The following ATP11C variants were observed in gnomAD, a reference collection of about 807,000 sequenced individuals.
The protein encoded by ATP11C is phospholipid-transporting ATPase IG.
Under a neutral mutation model 97.4 loss-of-function variants are expected in ATP11C, and 36 were observed. The ratio of observed to expected loss-of-function variants is 0.37; its 90% CI spans 0.28 to 0.49. ATP11C has a LOEUF of 0.49. ATP11C is among the 20% of genes least tolerant of loss of function. The probability of loss-of-function intolerance (pLI) is 0.98; values close to 1 mark genes in which losing one functional copy is unlikely to be tolerated. For synonymous variants in ATP11C, 275 were observed against 290.9 expected (o/e 0.95, Z 0.56); for missense variants, 730 against 824.6 (o/e 0.89, Z 1.40).
At chrX:139,746,762 A>G (rs754419722) in intron 24 of ATP11C, among the ~76,000 whole-genome samples, 2 of 111,536 alleles carry the variant, frequency 1.8e-5, no homozygotes, top group Non-Finnish European at 3.8e-5. Context: ...AAGGCTACCA[A>G]TTCTAATGGA....
chrX:139,908,208 G>C (rs892614402), intron 1 of ATP11C, among the ~76,000 whole-genome samples: 4 of 111,029 alleles, frequency 3.6e-5, no homozygotes, highest in African/African-American at 6.6e-5. Flanking sequence ...CAATGTGCCT[G>C]ACTCTTGCCC....
At position 139,727,569 on chromosome X, in the gene ATP11C, T is replaced by C. The variant is rs773234724; in HGVS notation, c.*1397A>G. The C allele has an allele frequency of 3.0e-4, 33 of 111,017 alleles. No individual in the cohort carries two copies. Among genetic ancestry groups the C allele is most frequent in the African/African-American group, 1.0e-3 (32 of 30,565 alleles). 9.1% of individuals were successfully genotyped at this position (111,017 alleles called of 1,213,427 possible). Reference sequence around the variant, plus strand: ...ATGTGGAAGAATCAAATGTGCCATATGGACTATATAAATATAATACAGATT... The same window carrying C: ...ATGTGGAAGAATCAAATGTGCCATACGGACTATATAAATATAATACAGATT... On this transcript the variant is annotated 3_prime_UTR_variant, in exon 30 of 30. Coordinates refer to ENST00000682941, the MANE Select transcript of ATP11C (RefSeq NM_001353812.2).
At chrX:139,756,634 T>C (rs1281102764) in intron 23 of ATP11C, among the ~76,000 whole-genome samples, 9 of 111,741 alleles carry the variant, frequency 8.1e-5, no homozygotes, top group Non-Finnish European at 5.6e-5. Flanking sequence ...TTAAATACTA[T>C]GCAACCATAA....
intron 1 of ATP11C, among the ~76,000 whole-genome samples, chrX:139,896,961 C>G (rs2148090390): frequency 9.0e-6 from 1 of 111,222 alleles, no homozygotes; most frequent in South Asian, 3.8e-4. Context: ...GGTGTGGTGG[C>G]TCACGCCTGA....
chrX:139,862,029 G>A (rs1189696924), intron 1 of ATP11C, among the ~76,000 whole-genome samples: 1 of 111,682 alleles, frequency 9.0e-6, no homozygotes, highest in East Asian at 2.8e-4. Context: ...AGAAAAGTCT[G>A]AACAGACAAG....
intron 1 of ATP11C, among the ~76,000 whole-genome samples, chrX:139,861,994 G>A (rs1029127467): frequency 8.9e-6 from 1 of 111,788 alleles, no homozygotes; most frequent in Non-Finnish European, 1.9e-5. Context: ...TACCCTAAGG[G>A]AAGGAATGCT....
intron 27 of ATP11C, among the ~76,000 whole-genome samples, chrX:139,739,228 G>A (rs2081505609): frequency 9.0e-6 from 1 of 110,577 alleles, no homozygotes; most frequent in Admixed American, 9.6e-5. Flanking sequence ...ATGACAAATG[G>A]CAGCTAGTCA....
intron 2 of ATP11C, among the ~76,000 whole-genome samples, chrX:139,824,512 C>T (rs2083483146): frequency 9.0e-6 from 1 of 111,407 alleles, no homozygotes; most frequent in Non-Finnish European, 1.9e-5. Context: ...CCAGTGAAAC[C>T]CCATCTCTAC....
intron 24 of ATP11C, among the ~76,000 whole-genome samples, chrX:139,746,107 A>T (rs767930657): frequency 5.4e-5 from 6 of 111,693 alleles, no homozygotes; most frequent in Non-Finnish European, 9.4e-5. Flanking sequence ...CAATAACATC[A>T]ATAATAATTC....
In ATP11C at chrX:139,886,450, G is replaced by A. The variant is rs775996848; in HGVS notation, c.27+45566C>T. On this transcript the variant is annotated intron_variant, in intron 1 of 29. Transcript: ENST00000682941. ...CTAAAAATACAAAAATTCGCTGGGC[G>A]TGGTGGAGCACACCTGTAGTCCCAG... 4.6e-5 allele frequency among the ~76,000 whole-genome samples: 5 copies of A among 109,867 alleles called. 1 individual carries two copies. The South Asian group carries it at 1.6e-3, about 35-fold the overall frequency.
At chrX:139,813,005 T>G (rs1330958501) in intron 5 of ATP11C, among the ~76,000 whole-genome samples, 2 of 112,013 alleles carry the variant, frequency 1.8e-5, no homozygotes, top group African/African-American at 6.5e-5. Flanking sequence ...CACTCTGTAG[T>G]CTTCCTCCCA....
At chrX:139,906,505 C>T (rs1393413717) in intron 1 of ATP11C, among the ~76,000 whole-genome samples, 2 of 109,991 alleles carry the variant, frequency 1.8e-5, no homozygotes, top group African/African-American at 3.3e-5. Context: ...ATTCATTGGC[C>T]GGGCATGGTG....
At chrX:139,847,839 CCT>C (rs1324142358) in intron 1 of ATP11C, among the ~76,000 whole-genome samples, 2 of 111,304 alleles carry the variant, frequency 1.8e-5, no homozygotes, top group African/African-American at 6.5e-5. Flanking sequence ...AATTCTTCCC[CCT>C]GTGAACCTCT....
chrX:139,843,801 T>C (rs2083868551), intron 1 of ATP11C, among the ~76,000 whole-genome samples: 1 of 109,846 alleles, frequency 9.1e-6, no homozygotes, highest in Non-Finnish European at 1.9e-5. Context: ...AAAGCAATTA[T>C]GAAACAGTGC....
chrX:139,774,679 T>A lies in ATP11C; in HGVS notation c.2216+11A>T. 1 of 1,189,649 alleles carries A rather than the reference T, an allele frequency of 8.4e-7. No individual in the cohort carries two copies. Among genetic ancestry groups the A allele is most frequent in the Non-Finnish European group, 1.1e-6 (1 of 879,346 alleles). The stretch of plus-strand genomic sequence containing the variant: ...AATGTCTAAATATAAGAAACTGATG[T>A]ACTTTCTTACTTTTTAAAGCTTCTA... On this transcript the variant is annotated intron_variant, in intron 19 of 29. Transcript: ENST00000682941.
At chrX:139,894,910 G>C (rs1322841903) in intron 1 of ATP11C, among the ~76,000 whole-genome samples, 2 of 111,736 alleles carry the variant, frequency 1.8e-5, no homozygotes, top group African/African-American at 6.5e-5. Context: ...TACAAAATTA[G>C]CTGGGTATGG....
At chrX:139,785,999 T>C (rs1202709790) in intron 15 of ATP11C, among the ~76,000 whole-genome samples, 2 of 110,989 alleles carry the variant, frequency 1.8e-5, no homozygotes, top group Non-Finnish European at 3.8e-5. Flanking sequence ...AACTCATCAA[T>C]AGGGGAATAG....
chrX:139,782,836 G>A, intron 17 of ATP11C, 108 bp from the exon 18 acceptor site: 5 of 552,225 alleles, frequency 9.1e-6, no homozygotes, highest in Non-Finnish European at 1.4e-5. Flanking sequence ...GAGAAATTCT[G>A]ACACATATTT....
intron 1 of ATP11C, among the ~76,000 whole-genome samples, chrX:139,888,337 T>C (rs905810333): frequency 4.5e-5 from 5 of 110,150 alleles, no homozygotes; most frequent in African/African-American, 9.9e-5. Context: ...TTCACCATGT[T>C]GGCCAGGCTG....
Sources: gnomAD v4.1 joint callset for allele counts (sites outside exome capture counted in the v4.1 genomes callset) on GRCh38, gnomAD v4.1.1 for gene constraint, MANE v1.5 for transcripts, NCBI Gene and HGNC (gene_info 2026-07-23, HGNC 2026-07-21) for gene names.